Variants in HIVEP3 observed in about 807,000 individuals in gnomAD.
HIVEP3 encodes the protein HIVEP zinc finger 3.
In HIVEP3, 49 loss-of-function variants were observed where a neutral mutation model predicts 152.8. That is an observed-to-expected ratio of 0.32 (90% CI 0.26 to 0.41). The LOEUF is 0.41. Ranked by LOEUF, HIVEP3 falls within the 10% of genes least tolerant of loss-of-function variation. The probability of loss-of-function intolerance (pLI) is 1.00; values close to 1 mark genes in which losing one functional copy is unlikely to be tolerated. For missense variants in HIVEP3, 2,790 were observed against 3,103.3 expected (o/e 0.90, Z 2.40); for synonymous variants, 1,269 against 1,289.0 (o/e 0.98, Z 0.33).
At chr1:41,851,450 G>A (rs963536363) in intron 1 of HIVEP3, among the ~76,000 whole-genome samples, 10 of 151,782 alleles carry the variant, frequency 6.6e-5, no homozygotes, top group African/African-American at 2.2e-4. Context: ...CTACAGGCAC[G>A]TGCCACCACA....
chr1:41,732,330 C>T (rs898938060), intron 1 of HIVEP3, among the ~76,000 whole-genome samples: 1 of 152,150 alleles, frequency 6.6e-6, no homozygotes, highest in Non-Finnish European at 1.5e-5. Context: ...TTAAGCAACT[C>T]GCCCAGGGTC....
chr1:41,977,086 A>G (rs1434341947), intron 1 of HIVEP3, among the ~76,000 whole-genome samples: 3 of 152,202 alleles, frequency 2.0e-5, no homozygotes, highest in African/African-American at 7.2e-5. Context: ...GTTTATAACC[A>G]AAAGCGAAAG....
chr1:41,864,987 C>T (rs1643942584), intron 1 of HIVEP3, among the ~76,000 whole-genome samples: 1 of 152,302 alleles, frequency 6.6e-6, no homozygotes, highest in Non-Finnish European at 1.5e-5. Context: ...GTGCTTCCTG[C>T]CAGTTTTTGA....
chr1:41,941,863 G>A (rs1391380276), intron 1 of HIVEP3, among the ~76,000 whole-genome samples: 2 of 152,138 alleles, frequency 1.3e-5, no homozygotes, highest in Non-Finnish European at 2.9e-5. Context: ...AAGCTCACAG[G>A]TATCTCCCTG....
chr1:41,889,955 C>A (rs1216344802), intron 1 of HIVEP3, among the ~76,000 whole-genome samples: 3 of 152,170 alleles, frequency 2.0e-5, no homozygotes, highest in Admixed American at 1.3e-4. Context: ...AATAACATTG[C>A]CCCATCTGCT....
At chr1:41,787,429 C>T (rs927886542) in intron 1 of HIVEP3, among the ~76,000 whole-genome samples, 1 of 151,896 alleles carries the variant, frequency 6.6e-6, no homozygotes, top group Non-Finnish European at 1.5e-5. Context: ...TCTGGGCATA[C>T]CCCCTCCCTA....
At chr1:42,034,190 T>C (rs1054632291) in intron 1 of HIVEP3, among the ~76,000 whole-genome samples, 1 of 152,220 alleles carries the variant, frequency 6.6e-6, no homozygotes, top group East Asian at 1.9e-4. Context: ...ACACAAGAAC[T>C]GTAATCATTA....
At chr1:41,838,860 C>G (rs188113200) in intron 1 of HIVEP3, among the ~76,000 whole-genome samples, 8 of 152,024 alleles carry the variant, frequency 5.3e-5, no homozygotes, top group Non-Finnish European at 1.0e-4. Flanking sequence ...AGTCAGTCTG[C>G]GAAACAACAA....
intron 2 of HIVEP3, among the ~76,000 whole-genome samples, chr1:41,639,367 T>A (rs1645336879): frequency 6.6e-6 from 1 of 152,130 alleles, no homozygotes; most frequent in African/African-American, 2.4e-5. Flanking sequence ...CTTAACATCA[T>A]CAGAAAGACA....
chr1:41,861,857 G>A (rs565856267), intron 1 of HIVEP3, among the ~76,000 whole-genome samples: 1 of 152,196 alleles, frequency 6.6e-6, no homozygotes, highest in African/African-American at 2.4e-5. Context: ...CAGACTAGAC[G>A]AGAGGTGATG....
At chr1:41,869,392 C>T (rs1233977624) in intron 1 of HIVEP3, among the ~76,000 whole-genome samples, 1 of 152,118 alleles carries the variant, frequency 6.6e-6, no homozygotes, top group Non-Finnish European at 1.5e-5. Flanking sequence ...AAACCCCACT[C>T]AGTGTGAGAA....
chr1:41,680,474 C>T (rs1646021687), intron 2 of HIVEP3, among the ~76,000 whole-genome samples: 1 of 152,152 alleles, frequency 6.6e-6, no homozygotes, highest in African/African-American at 2.4e-5. Context: ...TGGGGATCAG[C>T]CTATAGTTCC....
At chr1:41,779,391 G>C (rs192355804) in intron 1 of HIVEP3, among the ~76,000 whole-genome samples, 2,095 of 152,318 alleles carry the variant, frequency 0.014, 20 homozygotes, top group Non-Finnish European at 0.019. Flanking sequence ...CCTATCACAG[G>C]GGCTATTGTG....
At chr1:41,828,757 C>G (rs879385451) in intron 1 of HIVEP3, among the ~76,000 whole-genome samples, 1 of 152,210 alleles carries the variant, frequency 6.6e-6, no homozygotes, top group African/African-American at 2.4e-5. Context: ...TCAGGCTCCT[C>G]AAATATCATT....
chr1:41,927,650 G>A (rs1425456226), intron 1 of HIVEP3, among the ~76,000 whole-genome samples: 5 of 152,028 alleles, frequency 3.3e-5, no homozygotes, highest in African/African-American at 1.2e-4. Flanking sequence ...AAAAACAATT[G>A]GAATCAGAAG....
chr1:41,571,119 T>C (rs1644246314), intron 5 of HIVEP3, among the ~76,000 whole-genome samples: 1 of 152,100 alleles, frequency 6.6e-6, no homozygotes, highest in African/African-American at 2.4e-5. Flanking sequence ...GGGTCTGGCA[T>C]GGACTCCTGG....
At chr1:41,864,755 A>G (rs1052400702) in intron 1 of HIVEP3, 1 of 152,280 alleles carries the variant, frequency 6.6e-6, no homozygotes, top group Non-Finnish European at 1.5e-5. Flanking sequence ...AAGACTATCA[A>G]AGGAGCATCA....
rs940247866 is a variant in HIVEP3, at chr1:41,587,936, G to A, written c.-521-2618C>T. Among the ~76,000 whole-genome samples, 5 of 152,194 alleles carry A rather than the reference G, an allele frequency of 3.3e-5. No homozygotes were observed. In the South Asian group the frequency reaches 8.3e-4, roughly 25 times the overall value. On this transcript the variant is annotated intron_variant, in intron 3 of 8. Coordinates refer to ENST00000372583, the MANE Select transcript of HIVEP3 (RefSeq NM_024503.5). ...GGACATCGCTGTATCCACGGCAAGA[G>A]GGAGTAAGGAATTGTCTAGCATCTG... is the stretch of plus-strand genomic sequence containing the variant.
Position 41,673,272 on chromosome 1 carries a change from G to T in HIVEP3, c.-721+27644C>A, listed in dbSNP as rs148609897. The stretch of plus-strand genomic sequence containing the variant: ...ACTGGGGTCTCCCAGAGGCCAGATG[G>T]GTGGTCTCAGGTGCAAAGAGGCAGT... On this transcript the variant is annotated intron_variant, in intron 2 of 8. Transcript: ENST00000372583. Among the ~76,000 whole-genome samples the T allele has an allele frequency of 3.0e-3, 458 of 152,360 alleles. 3 individuals are homozygous for T. Among genetic ancestry groups the T allele is most frequent in the African/African-American group, 0.011 (450 of 41,578 alleles).
Sources: gnomAD v4.1 joint callset for allele counts (sites outside exome capture counted in the v4.1 genomes callset) on GRCh38, gnomAD v4.1.1 for gene constraint, MANE v1.5 for transcripts, NCBI Gene and HGNC (gene_info 2026-07-23, HGNC 2026-07-21) for gene names.